AGBL1: variants seen among roughly 807,000 people sequenced by gnomAD.
The protein encoded by AGBL1 is cytosolic carboxypeptidase 4.
A neutral mutation model predicts 118.9 loss-of-function variants in AGBL1; 130 were observed. That is an observed-to-expected ratio of 1.09 (90% CI 0.95 to 1.26). The LOEUF is 1.26. AGBL1 is among the 50% of genes most tolerant of loss of function. AGBL1 has a pLI of 0.00. For missense variants in AGBL1, 1,584 were observed against 1,298.1 expected (o/e 1.22, Z -3.38); for synonymous variants, 555 against 478.9 (o/e 1.16, Z -2.08).
intron 22 of AGBL1, among the ~76,000 whole-genome samples, chr15:86,854,918 C>T (rs1239447114): frequency 1.3e-5 from 2 of 152,168 alleles, no homozygotes; most frequent in Admixed American, 6.5e-5. Context: ...TCCATCACTG[C>T]TTTTTGATGA....
chr15:86,670,650 G>GTGTGTATATA (rs369000727), intron 21 of AGBL1, among the ~76,000 whole-genome samples: 2,954 of 141,080 alleles, frequency 0.021, 77 homozygotes, highest in East Asian at 0.086. Context: ...GTGTGTGTGT[G>GTGTGTATATA]TATATATATA....
intron 18 of AGBL1, among the ~76,000 whole-genome samples, chr15:86,484,149 A>G (rs1352663613): frequency 6.6e-6 from 1 of 152,156 alleles, no homozygotes; most frequent in Non-Finnish European, 1.5e-5. Context: ...AGCTGCTGAA[A>G]GAGGAAGTAT....
At chr15:86,106,181 A>G (rs1403065183) in intron 1 of AGBL1, among the ~76,000 whole-genome samples, 2 of 152,248 alleles carry the variant, frequency 1.3e-5, no homozygotes. Context: ...GGATATACAG[A>G]TAACAGGGTA....
intron 5 of AGBL1, among the ~76,000 whole-genome samples, chr15:86,172,634 A>G (rs536687364): frequency 6.6e-6 from 1 of 152,360 alleles, no homozygotes; most frequent in Admixed American, 6.5e-5. Context: ...TTCACTTAAC[A>G]TAATGACCTT....
intron 22 of AGBL1, among the ~76,000 whole-genome samples, chr15:86,703,381 G>C (rs2086393337): frequency 6.6e-6 from 1 of 152,122 alleles, no homozygotes; most frequent in African/African-American, 2.4e-5. Flanking sequence ...GTAAGCAGAT[G>C]ATGTGCTTTT....
At chr15:86,100,898 C>T (rs1896675405) in intron 1 of AGBL1, among the ~76,000 whole-genome samples, 1 of 151,984 alleles carries the variant, frequency 6.6e-6, no homozygotes, top group East Asian at 1.9e-4. Context: ...TTAGTCATTT[C>T]CTTCTACTCA....
intron 21 of AGBL1, among the ~76,000 whole-genome samples, chr15:86,605,256 C>T (rs1316113884): frequency 6.6e-6 from 1 of 151,990 alleles, no homozygotes; most frequent in South Asian, 2.1e-4. Context: ...AAAGGAATAT[C>T]CTTTTCATTA....
chr15:86,092,541 T>A (rs1896104827), intron 1 of AGBL1, among the ~76,000 whole-genome samples: 1 of 152,108 alleles, frequency 6.6e-6, no homozygotes, highest in Admixed American at 6.5e-5. Context: ...TGGATTGAAG[T>A]CAAGAGAGGT....
rs28464672 is a variant in AGBL1, at chr15:86,912,857, T to C, written c.*5563T>C. The C allele has an allele frequency of 0.14, 21,073 of 152,198 alleles. 1,890 individuals carry two copies. Among genetic ancestry groups the C allele is most frequent in the African/African-American group, 0.25 (10,578 of 41,498 alleles). The allele number at this position is 152,198 out of a possible 1,614,324, so 9.4% of individuals were successfully genotyped here. A position where few individuals can be genotyped will look rare whatever the true frequency, so the allele number is the denominator to read the frequency against. On this transcript the variant is annotated 3_prime_UTR_variant, in exon 23 of 23. Transcript: ENST00000614907. ...CCCAGCTCCCCAAACTCTCTAGTCT[T>C]GGAAAGACATGCATAGTAGCCTGGT...
chr15:86,118,076 G>A (rs531986900), intron 1 of AGBL1, among the ~76,000 whole-genome samples: 10 of 152,224 alleles, frequency 6.6e-5, no homozygotes, highest in African/African-American at 1.2e-4. Context: ...CATTGTTACC[G>A]TTCTCCTGGG....
At chr15:86,623,008 G>A (rs994051950) in intron 21 of AGBL1, among the ~76,000 whole-genome samples, 8 of 152,174 alleles carry the variant, frequency 5.3e-5, no homozygotes, top group East Asian at 1.9e-4. Flanking sequence ...AATAGGGTTC[G>A]CACGCCTATG....
At chr15:86,129,398 G>C (rs1381593968) in intron 1 of AGBL1, among the ~76,000 whole-genome samples, 1 of 152,106 alleles carries the variant, frequency 6.6e-6, no homozygotes, top group African/African-American at 2.4e-5. Context: ...TTTGTGGGAG[G>C]CTCCATAAAG....
chr15:86,572,182 G>A (rs1231732896), intron 21 of AGBL1, among the ~76,000 whole-genome samples: 2 of 152,144 alleles, frequency 1.3e-5, no homozygotes. Context: ...CGGGCCCGCA[G>A]GGGGAAGTGC....
intron 21 of AGBL1, among the ~76,000 whole-genome samples, chr15:86,611,655 AT>A (rs551379371): frequency 6.6e-6 from 1 of 151,740 alleles, no homozygotes; most frequent in African/African-American, 2.4e-5. Flanking sequence ...CTGTCAAGGT[AT>A]TTTTTCCCCC....
chr15:86,421,936 C>T lies in AGBL1; in HGVS notation c.2555+24390C>T, dbSNP rs149969169. ...TTTATATGCACCCAATACAGGAACA[C>T]CCAGATTCATAAAGCATGTTCTTAG... On this transcript the variant is annotated intron_variant, in intron 18 of 22. Coordinates refer to ENST00000614907, the MANE Select transcript of AGBL1 (RefSeq NM_001386094.1). 8.2e-3 allele frequency among the ~76,000 whole-genome samples: 1,242 copies of T among 152,262 alleles called. 19 individuals carry two copies. The highest frequency in any genetic ancestry group is 0.029 in the African/African-American group (1,190 of 41,542).
chr15:86,938,381 GA>G (rs2080703151), intron 23 of AGBL1, among the ~76,000 whole-genome samples: 1 of 152,186 alleles, frequency 6.6e-6, no homozygotes, highest in Admixed American at 6.5e-5. Context: ...AAAAATGGAA[GA>G]AACTTTTGAC....
chr15:86,128,321 A>G lies in AGBL1; in HGVS notation c.52-13683A>G, dbSNP rs1567072253. Among the ~76,000 whole-genome samples the G allele has an allele frequency of 3.9e-5, 6 of 152,014 alleles. No homozygotes were observed. The South Asian group carries it at 1.2e-3, about 32-fold the overall frequency. Reference sequence around the variant, plus strand: ...CTCACGAGAGTTATTCACTACCACAAGAACAGTATGGGGGAAACCACCCCC... The same window carrying G: ...CTCACGAGAGTTATTCACTACCACAGGAACAGTATGGGGGAAACCACCCCC... On this transcript the variant is annotated intron_variant, in intron 1 of 22. Coordinates refer to ENST00000614907, the MANE Select transcript of AGBL1 (RefSeq NM_001386094.1).
At chr15:86,267,112 A>G in intron 13 of AGBL1, 36 bp downstream of exon 13, 1 of 1,449,396 alleles carries the variant, frequency 6.9e-7, no homozygotes, top group South Asian at 1.2e-5. Context: ...GTCTCCTGTC[A>G]GTTCGTAAGA....
intron 21 of AGBL1, among the ~76,000 whole-genome samples, chr15:86,619,523 C>T (rs911282196): frequency 2.0e-5 from 3 of 152,174 alleles, no homozygotes; most frequent in Non-Finnish European, 4.4e-5. Context: ...AGTTAATTCA[C>T]AGCTGGGAGA....
Sources: gnomAD v4.1 joint callset for allele counts (sites outside exome capture counted in the v4.1 genomes callset) on GRCh38, gnomAD v4.1.1 for gene constraint, MANE v1.5 for transcripts, NCBI Gene and HGNC (gene_info 2026-07-23, HGNC 2026-07-21) for gene names.